Variants in SEC11C observed in about 807,000 individuals in gnomAD.
The protein encoded by SEC11C is signal peptidase complex catalytic subunit SEC11C.
Under a neutral mutation model 21.9 loss-of-function variants are expected in SEC11C, and 10 were observed. The ratio of observed to expected loss-of-function variants is 0.46; its 90% CI spans 0.28 to 0.77. The LOEUF (loss-of-function observed/expected upper bound fraction) is 0.77. SEC11C is among the 30% of genes least tolerant of loss of function. SEC11C has a pLI of 0.12. For synonymous variants in SEC11C, 83 were observed against 85.6 expected, an observed-to-expected ratio of 0.97 and a Z score of 0.17; for missense variants, 145 against 244.5, an observed-to-expected ratio of 0.59 and a Z score of 2.71.
intron 1 of SEC11C, chr18:59,147,429 C>T (rs1031405556): frequency 6.6e-6 from 1 of 152,144 alleles, no homozygotes; most frequent in African/African-American, 2.4e-5. Flanking sequence ...CTCCAAAACA[C>T]TAAAACTATA....
In SEC11C at chr18:59,158,617, G is replaced by A. The variant is rs1210306394; in HGVS notation, c.526-15G>A. 6.2e-7 allele frequency: 1 copy of A among 1,612,124 alleles called. No individual in the cohort carries two copies. The highest frequency in any genetic ancestry group is 8.5e-7 in the Non-Finnish European group (1 of 1,178,534). On this transcript the variant is annotated splice_polypyrimidine_tract_variant and intron_variant, in intron 5 of 5. Transcript: ENST00000587834. ...GTAGACCTCACAGTGATTTTCCATT[G>A]TGTTTTCTTTCCAGTATGCTCTTTT...
rs982055594 is a variant in SEC11C, at chr18:59,153,630, A to C, written c.347+945A>C. Among the ~76,000 whole-genome samples the C allele has an allele frequency of 5.3e-5, 8 of 151,982 alleles. 1 individual carries two copies. Among genetic ancestry groups the C allele is most frequent in the Admixed American group, 4.6e-4 (7 of 15,252 alleles). On this transcript the variant is annotated intron_variant, in intron 3 of 5. Coordinates refer to ENST00000587834, the MANE Select transcript of SEC11C (RefSeq NM_033280.4). ...CCATGGTGCGATCTCTGCTCACTGC[A>C]ACTTCCGCCTCCCGGGTTCAAGCGA...
At chr18:59,155,478 G>A in intron 3 of SEC11C, 2 of 444,204 alleles carry the variant, frequency 4.5e-6, no homozygotes, top group Non-Finnish European at 8.1e-6. Flanking sequence ...TGAGTGTTTT[G>A]GAATTTAAGT....
At chr18:59,151,405 C>G (rs572771487) in intron 2 of SEC11C, among the ~76,000 whole-genome samples, 1 of 151,468 alleles carries the variant, frequency 6.6e-6, no homozygotes, top group East Asian at 1.9e-4. Context: ...AGGAAAAACT[C>G]AATTGTTTTG....
chr18:59,145,278 C>T (rs62095621), intron 1 of SEC11C, among the ~76,000 whole-genome samples: 37,929 of 152,088 alleles, frequency 0.25, 4,834 homozygotes, highest in South Asian at 0.29. Context: ...GCTGCTTTCC[C>T]GCTACATTGG....
intron 1 of SEC11C, among the ~76,000 whole-genome samples, chr18:59,146,778 G>A (rs749724388): frequency 2.6e-5 from 4 of 152,094 alleles, no homozygotes; most frequent in Non-Finnish European, 5.9e-5. Flanking sequence ...AAGGGTTTGC[G>A]ATGGGAGAGT....
intron 1 of SEC11C, among the ~76,000 whole-genome samples, chr18:59,141,664 C>CT (rs113985050): frequency 0.088 from 12,857 of 146,212 alleles, 895 homozygotes; most frequent in African/African-American, 0.19. Flanking sequence ...AAAGCTTTGT[C>CT]TTTTTTTTTT....
In SEC11C at chr18:59,154,250, T is replaced by C. The variant is rs79026759; in HGVS notation, c.348-1438T>C. 2.7e-3 allele frequency among the ~76,000 whole-genome samples: 406 copies of C among 152,298 alleles called. 1 individual carries two copies. The highest frequency in any genetic ancestry group is 9.3e-3 in the African/African-American group (388 of 41,562). ...TCAATTGTTCCAAGTTGAGGAAGTGTTGATTATTTGCTCTAATTTGCATGA... is the reference window on the plus strand; with the variant it reads ...TCAATTGTTCCAAGTTGAGGAAGTGCTGATTATTTGCTCTAATTTGCATGA... On this transcript the variant is annotated intron_variant, in intron 3 of 5. Transcript: ENST00000587834.
chr18:59,142,477 T>C (rs564401991), intron 1 of SEC11C, among the ~76,000 whole-genome samples: 1 of 152,352 alleles, frequency 6.6e-6, no homozygotes, highest in South Asian at 2.1e-4. Context: ...TAATTCATAA[T>C]GAAACAGCGG....
intron 1 of SEC11C, chr18:59,147,865 C>T (rs531452984): frequency 6.6e-6 from 1 of 152,202 alleles, no homozygotes; most frequent in Non-Finnish European, 1.5e-5. Flanking sequence ...GGCTCCCACC[C>T]TATAAGTGAC....
chr18:59,154,792 G>A (rs2069400479), intron 3 of SEC11C, among the ~76,000 whole-genome samples: 3 of 152,162 alleles, frequency 2.0e-5, no homozygotes, highest in East Asian at 3.8e-4. Context: ...GAGGCTGGGC[G>A]CGGTGGCTTA....
intron 5 of SEC11C, among the ~76,000 whole-genome samples, chr18:59,158,215 C>T (rs147103773): frequency 2.0e-5 from 3 of 152,082 alleles, no homozygotes; most frequent in Non-Finnish European, 4.4e-5. Context: ...GCCACCACAC[C>T]CAGCTCATTT....
At chr18:59,142,901 A>C (rs1385147389) in intron 1 of SEC11C, among the ~76,000 whole-genome samples, 1 of 152,190 alleles carries the variant, frequency 6.6e-6, no homozygotes, top group Non-Finnish European at 1.5e-5. Flanking sequence ...CCACTAAAGA[A>C]CTTAATCCAT....
intron 1 of SEC11C, among the ~76,000 whole-genome samples, chr18:59,144,131 G>A (rs879850069): frequency 6.6e-6 from 1 of 152,152 alleles, no homozygotes; most frequent in Non-Finnish European, 1.5e-5. Context: ...TGGGATTACA[G>A]GCATGAGCCA....
chr18:59,142,629 G>C (rs1378815797), intron 1 of SEC11C, among the ~76,000 whole-genome samples: 1 of 152,130 alleles, frequency 6.6e-6, no homozygotes, highest in Admixed American at 6.5e-5. Flanking sequence ...GTTGTTGTTG[G>C]AATCTCAATA....
chr18:59,146,034 T>C (rs2069271247), intron 1 of SEC11C, among the ~76,000 whole-genome samples: 1 of 152,204 alleles, frequency 6.6e-6, no homozygotes, highest in South Asian at 2.1e-4. Flanking sequence ...GTGTCTGTCA[T>C]GAAGTGGCGC....
chr18:59,151,782 A>G (rs373090568), intron 2 of SEC11C, among the ~76,000 whole-genome samples: 2 of 152,202 alleles, frequency 1.3e-5, no homozygotes, highest in East Asian at 3.8e-4. Flanking sequence ...GTCAAGCTGT[A>G]TTTCTAGGTC....
rs552443197 is a variant in SEC11C at position 59,148,731 on chromosome 18, C to T, written c.88-782C>T. On this transcript the variant is annotated intron_variant, in intron 1 of 5. Transcript: ENST00000587834. ...CGGGTTCACGCCATTCTCCTGCCTC[C>T]GGCTCCCAAGTAGCTGGGACTACAG... is the stretch of plus-strand genomic sequence containing the variant. Among the ~76,000 whole-genome samples the T allele has an allele frequency of 3.9e-5, 6 of 152,226 alleles. No homozygotes were observed. The East Asian group carries it at 7.8e-4, about 20-fold the overall frequency.
At chr18:59,142,445 G>C (rs2069222768) in intron 1 of SEC11C, among the ~76,000 whole-genome samples, 1 of 152,180 alleles carries the variant, frequency 6.6e-6, no homozygotes, top group African/African-American at 2.4e-5. Context: ...ACCATGGTTT[G>C]GGGCTTTCCT....
Sources: allele counts gnomAD v4.1 joint callset (sites outside exome capture counted in the v4.1 genomes callset), GRCh38; gene constraint gnomAD v4.1.1; transcripts MANE v1.5; gene names NCBI Gene and HGNC (gene_info 2026-07-23, HGNC 2026-07-21).